Variants in DISC1 observed in about 807,000 individuals in gnomAD.
DISC1 encodes the protein disrupted in schizophrenia 1 protein.
DISC1 carries 57 observed loss-of-function variants against 84.5 expected under a neutral mutation model. The observed-to-expected ratio is 0.67, with a 90% CI of 0.55 to 0.84. The LOEUF (loss-of-function observed/expected upper bound fraction) is 0.84. Ranked by LOEUF, DISC1 falls within the 40% of genes least tolerant of loss-of-function variation. The pLI is 0.00. For synonymous variants in DISC1, 411 were observed against 415.2 expected (o/e 0.99, Z 0.12); for missense variants, 1,000 against 1,057.8 (o/e 0.95, Z 0.76).
chr1:231,888,791 G>A (rs546146126), intron 9 of DISC1, among the ~76,000 whole-genome samples: 2 of 151,184 alleles, frequency 1.3e-5, no homozygotes, highest in East Asian at 3.9e-4. Flanking sequence ...CCCATCCACA[G>A]GGCTGCTGCT....
At chr1:231,809,591 A>T (rs1470925764) in intron 8 of DISC1, among the ~76,000 whole-genome samples, 1 of 150,442 alleles carries the variant, frequency 6.6e-6, no homozygotes, top group Non-Finnish European at 1.5e-5. Context: ...AAAACTATCT[A>T]TACCCAAAAT....
chr1:232,020,806 G>C (rs1202069106), intron 11 of DISC1, among the ~76,000 whole-genome samples: 3 of 152,122 alleles, frequency 2.0e-5, no homozygotes, highest in African/African-American at 7.2e-5. Context: ...TTCTATGAAG[G>C]CTTAGCAAAT....
intron 1 of DISC1, among the ~76,000 whole-genome samples, chr1:231,672,969 G>T (rs17804163): frequency 0.07 from 10,649 of 152,166 alleles, 489 homozygotes; most frequent in Non-Finnish European, 0.11. Context: ...TAACTAGTTT[G>T]GTGCAGAAGC....
intron 9 of DISC1, among the ~76,000 whole-genome samples, chr1:231,877,112 A>G (rs557461694): frequency 6.6e-6 from 1 of 152,302 alleles, no homozygotes; most frequent in Non-Finnish European, 1.5e-5. Flanking sequence ...AAGAACTAAA[A>G]ATTAGAAGGG....
chr1:231,941,947 G>C (rs2091367457), intron 9 of DISC1, among the ~76,000 whole-genome samples: 1 of 145,190 alleles, frequency 6.9e-6, no homozygotes, highest in South Asian at 2.3e-4. Context: ...AAGGCTTAAA[G>C]GATAAGCAAG....
At chr1:231,640,134 A>T (rs1282091848) in intron 1 of DISC1, among the ~76,000 whole-genome samples, 1 of 152,118 alleles carries the variant, frequency 6.6e-6, no homozygotes, top group African/African-American at 2.4e-5. Context: ...TGGATTTTGG[A>T]ATTAGAGATG....
intron 4 of DISC1, among the ~76,000 whole-genome samples, chr1:231,755,149 C>T (rs1379412215): frequency 6.6e-6 from 1 of 152,124 alleles, no homozygotes; most frequent in Non-Finnish European, 1.5e-5. Flanking sequence ...TCCTGGTCTT[C>T]TTGCTACATT....
intron 4 of DISC1, among the ~76,000 whole-genome samples, chr1:231,766,815 T>A (rs2125434799): frequency 6.6e-6 from 1 of 152,332 alleles, no homozygotes; most frequent in South Asian, 2.1e-4. Flanking sequence ...TCATACTAAG[T>A]CCTTAAAATC....
At chr1:231,777,854 C>A (rs1451204033) in intron 6 of DISC1, among the ~76,000 whole-genome samples, 1 of 152,190 alleles carries the variant, frequency 6.6e-6, no homozygotes, top group African/African-American at 2.4e-5. Flanking sequence ...TGTTTTTATG[C>A]CCATTTTGCA....
At chr1:231,955,176 G>T (rs12084804) in intron 9 of DISC1, among the ~76,000 whole-genome samples, 1 of 152,100 alleles carries the variant, frequency 6.6e-6, no homozygotes, top group Non-Finnish European at 1.5e-5. Context: ...TATAAATGGC[G>T]CGTTGCGTAC....
intron 9 of DISC1, among the ~76,000 whole-genome samples, chr1:231,857,721 C>T (rs2084367264): frequency 6.6e-6 from 1 of 152,198 alleles, no homozygotes; most frequent in Non-Finnish European, 1.5e-5. Context: ...CTTCCGGAAT[C>T]AGCACAGTCC....
intron 9 of DISC1, among the ~76,000 whole-genome samples, chr1:231,932,309 C>A (rs111437944): frequency 3.5e-4 from 53 of 152,256 alleles, no homozygotes; most frequent in African/African-American, 1.2e-3. Flanking sequence ...GACTACTGAT[C>A]TAGTTTAAGA....
At chr1:231,749,349 A>T (rs2074351435) in intron 3 of DISC1, among the ~76,000 whole-genome samples, 1 of 152,206 alleles carries the variant, frequency 6.6e-6, no homozygotes, top group Non-Finnish European at 1.5e-5. Flanking sequence ...TATTACACAG[A>T]TTCTATATTT....
chr1:231,708,855 T>C (rs1351472903), intron 3 of DISC1, among the ~76,000 whole-genome samples: 1 of 152,182 alleles, frequency 6.6e-6, no homozygotes, highest in Non-Finnish European at 1.5e-5. Flanking sequence ...CACTTGGAGG[T>C]AGCAGGAAAA....
Position 231,937,131 on chromosome 1 carries a change from C to T in DISC1, c.1982-21697C>T, listed in dbSNP as rs2091030291. ...TCTGCAGTTGAACAGGTTCTGTCTT[C>T]CATTAAACCTGTATCCCCATTTTAT... is the stretch of plus-strand genomic sequence containing the variant. On this transcript the variant is annotated intron_variant, in intron 9 of 12. Coordinates refer to ENST00000439617, the MANE Select transcript of DISC1 (RefSeq NM_018662.3). Among the ~76,000 whole-genome samples the T allele has an allele frequency of 1.3e-5, 2 of 152,184 alleles. 1 individual carries two copies. The highest frequency in any genetic ancestry group is 1.3e-4 in the Admixed American group (2 of 15,276).
At chr1:232,030,791 G>A (rs998776459) in intron 12 of DISC1, among the ~76,000 whole-genome samples, 6 of 152,144 alleles carry the variant, frequency 3.9e-5, no homozygotes, top group African/African-American at 9.7e-5. Flanking sequence ...GGATCATGGA[G>A]CTCCACTCAT....
chr1:231,670,264 A>G (rs2062472732), intron 1 of DISC1, among the ~76,000 whole-genome samples: 1 of 152,188 alleles, frequency 6.6e-6, no homozygotes, highest in Non-Finnish European at 1.5e-5. Flanking sequence ...AATGGGTACT[A>G]GGCTTAATAC....
At chr1:231,968,591 C>CAA (rs34437165) in intron 10 of DISC1, among the ~76,000 whole-genome samples, 7 of 89,018 alleles carry the variant, frequency 7.9e-5, no homozygotes, top group African/African-American at 1.8e-4. Flanking sequence ...GACTCCGTCT[C>CAA]AAAAAAAAAA....
At chr1:231,804,457 T>G (rs958057170) in intron 8 of DISC1, among the ~76,000 whole-genome samples, 22 of 149,900 alleles carry the variant, frequency 1.5e-4, no homozygotes, top group Admixed American at 6.2e-4. Flanking sequence ...AAGATCCCCC[T>G]TCCTTTTTTT....
Sources: gnomAD v4.1 joint callset for allele counts (sites outside exome capture counted in the v4.1 genomes callset) on GRCh38, gnomAD v4.1.1 for gene constraint, MANE v1.5 for transcripts, NCBI Gene and HGNC (gene_info 2026-07-23, HGNC 2026-07-21) for gene names.